Variants in ADAMTS13 observed in about 807,000 individuals in gnomAD.
The protein encoded by ADAMTS13 is ADAM metallopeptidase with thrombospondin type 1 motif 13, also known as A disintegrin and metalloproteinase with thrombospondin motifs 13.
In ADAMTS13, 110 loss-of-function variants were observed where a neutral mutation model predicts 155.1. The observed-to-expected ratio is 0.71, with a 90% CI of 0.61 to 0.83. The LOEUF (loss-of-function observed/expected upper bound fraction) is 0.83. Among genes scored for constraint, ADAMTS13 ranks in the 40% least tolerant of loss-of-function variants. The pLI is 0.00. For synonymous variants in ADAMTS13, 758 were observed against 756.4 expected, an observed-to-expected ratio of 1.00 and a Z score of -0.03; for missense variants, 1,707 against 1,891.7, an observed-to-expected ratio of 0.90 and a Z score of 1.81.
At chr9:133,423,491 A>T (rs1554784155) in intron 2 of ADAMTS13, among the ~76,000 whole-genome samples, 2 of 152,122 alleles carry the variant, frequency 1.3e-5, no homozygotes, top group African/African-American at 2.4e-5. Context: ...CTGACCGTGG[A>T]TGTAAATATT....
Position 133,455,327 on chromosome 9 carries a change from A to G in ADAMTS13, c.3292A>G (p.Thr1098Ala), listed in dbSNP as rs944652890. The G allele has an allele frequency of 6.8e-6, 11 of 1,607,706 alleles. No homozygotes were observed. In the Admixed American group the frequency reaches 1.2e-4, roughly 17 times the overall value. ...CGDGIQRRRD[T>A]CLGPQAQAPV... is the part of the protein sequence containing the mutation. The stretch of plus-strand genomic sequence containing the variant: ...GGATGGCATCCAGCGCCGGCGTGAC[A>G]CCTGCCTCGGACCCCAGGCCCAGGC... The change falls in exon 25 of 29, where the codon ACC (threonine) becomes GCC (alanine). Residue 1098 changes from threonine to alanine, a missense_variant. Physicochemically the swap from Thr to Ala is moderately conservative, Grantham distance 58 (BLOSUM62 0). Transcript: ENST00000355699.
At chr9:133,452,699 G>A (rs1309603417) in intron 23 of ADAMTS13, among the ~76,000 whole-genome samples, 1 of 151,846 alleles carries the variant, frequency 6.6e-6, no homozygotes, top group Non-Finnish European at 1.5e-5. Flanking sequence ...TTTTAGAGAT[G>A]GGGTCTCACT....
chr9:133,424,820 C>A lies in ADAMTS13; in HGVS notation c.330+342C>A, dbSNP rs782609064. ...GGATACGGGCTGCTCACACTGCCCT[C>A]TGCACCCCGACCCTGCCCTCTCTCC... On this transcript the variant is annotated intron_variant, in intron 3 of 28. Transcript: ENST00000355699. This position sits in a 1 kb window ranked among gnomAD's most constrained non-coding sequence, Gnocchi z 4.3. Among the ~76,000 whole-genome samples, 1 of 152,246 alleles carries A rather than the reference C, an allele frequency of 6.6e-6. No homozygotes were observed. Among genetic ancestry groups the A allele is most frequent in the African/African-American group, 2.4e-5 (1 of 41,464 alleles).
At chr9:133,436,729 A>G (rs985032684) in intron 11 of ADAMTS13, 100 bp from the exon 12 acceptor site, 5 of 1,245,936 alleles carry the variant, frequency 4.0e-6, no homozygotes, top group Non-Finnish European at 5.7e-6. Flanking sequence ...GGCCACACCC[A>G]CATCTTGATC....
At chr9:133,415,393 C>G (rs1839520776) in intron 1 of ADAMTS13, among the ~76,000 whole-genome samples, 1 of 151,942 alleles carries the variant, frequency 6.6e-6, no homozygotes, top group African/African-American at 2.4e-5. Flanking sequence ...GGGCCAACAT[C>G]CTGCTACACA....
chr9:133,418,169 G>A (rs1314781525), upstream of ADAMTS13: 16 of 389,738 alleles, frequency 4.1e-5, no homozygotes, highest in Non-Finnish European at 7.4e-5. Flanking sequence ...TCGACCTCGA[G>A]TTTGACTGGG....
rs1842957984 is a variant in ADAMTS13 at position 133,459,385 on chromosome 9, G to C, written c.*205G>C. 1.5e-6 allele frequency: 1 copy of C among 687,894 alleles called. No individual in the cohort carries two copies. Among genetic ancestry groups the C allele is most frequent in the Non-Finnish European group, 2.6e-6 (1 of 381,924 alleles). The allele number at this position is 687,894 out of a possible 1,614,324, so 42.6% of individuals were successfully genotyped here. On this transcript the variant is annotated 3_prime_UTR_variant, in exon 29 of 29. Coordinates refer to ENST00000355699, the MANE Select transcript of ADAMTS13 (RefSeq NM_139027.6). ...TACCAATAAATAAAACATGCAGGCT[G>C]ACCGGCGTTTTTTTCTTATAAGCTG...
At chr9:133,439,956 C>G (rs1460993466) in intron 15 of ADAMTS13, among the ~76,000 whole-genome samples, 1 of 152,266 alleles carries the variant, frequency 6.6e-6, no homozygotes, top group Non-Finnish European at 1.5e-5. Flanking sequence ...ACACTTCTGC[C>G]TGGTGTGACC....
chr9:133,414,441 C>T, exon 1 of ADAMTS13: 2 of 694,956 alleles, frequency 2.9e-6, no homozygotes, highest in South Asian at 3.0e-5. Context: ...TGTACTGGCA[C>T]CCACTAAATG....
rs1554789742 is a variant in ADAMTS13, at chr9:133,438,378, C to G, written c.1705+12C>G. On this transcript the variant is annotated intron_variant, in intron 14 of 28. Coordinates refer to ENST00000355699, the MANE Select transcript of ADAMTS13 (RefSeq NM_139027.6). Reference sequence around the variant, plus strand: ...TGGCAGAGCGAGAGGTAGGCGGCCTCCCTCGGGGCAGAGGCTGGGCTTCCC... The same window carrying G: ...TGGCAGAGCGAGAGGTAGGCGGCCTGCCTCGGGGCAGAGGCTGGGCTTCCC... 1 of 1,613,522 alleles carries G rather than the reference C, an allele frequency of 6.2e-7. No homozygotes were observed. The highest frequency in any genetic ancestry group is 2.2e-5 in the East Asian group (1 of 44,870).
rs587676704 is a variant in ADAMTS13, at chr9:133,438,129, G to A, written c.1585-117G>A. On this transcript the variant is annotated intron_variant, in intron 13 of 28. Coordinates refer to ENST00000355699, the MANE Select transcript of ADAMTS13 (RefSeq NM_139027.6). ...TTGCTTCCTGTGTAGATGGTGGGGTGCTATAGAAGTGTTGCTGGTTTTGTG... is the reference window on the plus strand; with the variant it reads ...TTGCTTCCTGTGTAGATGGTGGGGTACTATAGAAGTGTTGCTGGTTTTGTG... The A allele has an allele frequency of 4.4e-5, 68 of 1,559,528 alleles. No homozygotes were observed. In the East Asian group the frequency reaches 1.5e-3, roughly 35 times the overall value.
rs1840180795 is a variant in ADAMTS13, at chr9:133,424,931, C to T, written c.330+453C>T. ...GACTGCTGGCAAAGGAGATGCCCAC[C>T]TTCATTTCTTGCTAGCACCTGAATC... is the stretch of plus-strand genomic sequence containing the variant. On this transcript the variant is annotated intron_variant, in intron 3 of 28. Transcript: ENST00000355699. The surrounding 1 kb of genome is among the most constrained non-coding windows in gnomAD (Gnocchi z 4.3). Among the ~76,000 whole-genome samples, 1 of 152,206 alleles carries T rather than the reference C, an allele frequency of 6.6e-6. No homozygotes were observed. The highest frequency in any genetic ancestry group is 2.1e-4 in the South Asian group (1 of 4,830).
At chr9:133,417,486 G>T, upstream of ADAMTS13, 1 of 907,062 alleles carries the variant, frequency 1.1e-6, no homozygotes, top group Non-Finnish European at 1.7e-6. Context: ...CACCTTTCTT[G>T]TGAAAAGCTG....
rs1554785053 is a variant in ADAMTS13, at chr9:133,425,737, C to T, written c.414+125C>T. 3.2e-5 allele frequency: 44 copies of T among 1,387,326 alleles called. No homozygotes were observed. Among genetic ancestry groups the T allele is most frequent in the South Asian group, 2.1e-4 (17 of 80,634 alleles). 85.9% of individuals were successfully genotyped at this position (1,387,326 alleles called of 1,614,324 possible). ...GCATGGATCACAGAATGCATTCAGC[C>T]AGACAGACCAGCTGCCCTCCCAGCT... On this transcript the variant is annotated intron_variant, in intron 4 of 28. Transcript: ENST00000355699. This position sits in a 1 kb window ranked among gnomAD's most constrained non-coding sequence, Gnocchi z 4.6.
chr9:133,418,047 G>A, upstream of ADAMTS13: 1 of 584,156 alleles, frequency 1.7e-6, no homozygotes, highest in East Asian at 2.9e-5. Flanking sequence ...GGAAGCGCTC[G>A]TCTCTCCACA....
chr9:133,427,382 T>G (rs1554785552), intron 6 of ADAMTS13, among the ~76,000 whole-genome samples: 2 of 152,222 alleles, frequency 1.3e-5, no homozygotes, highest in African/African-American at 4.8e-5. Flanking sequence ...CCAATTGTTG[T>G]AAAAATTCAA....
intron 12 of ADAMTS13, 130 bp from the exon 13 acceptor site, chr9:133,437,619 G>A: frequency 9.8e-7 from 1 of 1,015,994 alleles, no homozygotes; most frequent in Non-Finnish European, 1.5e-6. Context: ...TAGGATTATT[G>A]CCTTAGGAGG....
rs1305730208 is a variant in ADAMTS13, at chr9:133,443,489, C to T, written c.2348C>T (p.Ala783Val). 2.5e-6 allele frequency: 4 copies of T among 1,588,174 alleles called. No individual in the cohort carries two copies. The African/African-American group carries it at 4.0e-5, about 16-fold the overall frequency. Residue 783 changes from alanine (A) to valine (V), a missense_variant, in exon 19 of 29, where the codon GCC (alanine) becomes GTC (valine). Physicochemically the swap from Ala to Val is moderately conservative, Grantham distance 64. This residue lies in a region of ADAMTS13 where 961 missense variants were observed against 1,107.9 expected (regional missense o/e 0.87). Coordinates refer to ENST00000355699, the MANE Select transcript of ADAMTS13 (RefSeq NM_139027.6). ...AGCCTCCTGAAGACATTGCCCCCAG[C>T]CCGGTGCAGAGCAGGGGCCCAGCAG... is the stretch of plus-strand genomic sequence containing the variant. ...QGSLLKTLPP[A>V]RCRAGAQQPA...
chr9:133,444,226 A>C (rs1489387944), intron 19 of ADAMTS13, among the ~76,000 whole-genome samples: 2 of 151,504 alleles, frequency 1.3e-5, no homozygotes, highest in African/African-American at 2.4e-5. Flanking sequence ...CCCATTGGCC[A>C]CCCTTGAACC....
Sources: allele counts gnomAD v4.1 joint callset (sites outside exome capture counted in the v4.1 genomes callset), GRCh38; gene constraint gnomAD v4.1.1; regional missense constraint gnomAD v4.1.1; non-coding constraint Gnocchi (gnomAD v3.1); transcripts MANE v1.5; gene names NCBI Gene and HGNC (gene_info 2026-07-23, HGNC 2026-07-21).